The following LEPROTL1 variants were observed in gnomAD, a reference collection of about 807,000 sequenced individuals.
LEPROTL1 encodes the protein leptin receptor overlapping transcript-like 1.
Under a neutral mutation model 15.4 loss-of-function variants are expected in LEPROTL1, and 6 were observed. The observed-to-expected ratio is 0.39, with a 90% CI of 0.21 to 0.77. The LOEUF is 0.77. LEPROTL1 is among the 30% of genes least tolerant of loss of function. LEPROTL1 has a pLI of 0.41. For missense variants in LEPROTL1, 128 were observed against 158.1 expected, an observed-to-expected ratio of 0.81 and a Z score of 1.02; for synonymous variants, 56 against 52.6, an observed-to-expected ratio of 1.06 and a Z score of -0.28.
At chr8:30,117,724 T>A in intron 3 of LEPROTL1, 1 of 1,138,314 alleles carries the variant, frequency 8.8e-7, no homozygotes, top group African/African-American at 1.5e-5. Flanking sequence ...TTTGCCTCTC[T>A]TTTCGGCATT....
intron 1 of LEPROTL1, among the ~76,000 whole-genome samples, chr8:30,100,420 A>G (rs1802446546): frequency 1.3e-5 from 2 of 152,242 alleles, no homozygotes; most frequent in Non-Finnish European, 2.9e-5. Flanking sequence ...TACAGGTTAT[A>G]TAGAACTCAA....
intron 3 of LEPROTL1, among the ~76,000 whole-genome samples, chr8:30,116,404 C>G (rs552722590): frequency 5.6e-4 from 86 of 152,266 alleles, no homozygotes; most frequent in African/African-American, 2.0e-3. Flanking sequence ...TGGGATGAAA[C>G]CGTTCCACCT....
intron 4 of LEPROTL1, chr8:30,132,917 A>AT: frequency 6.7e-7 from 1 of 1,496,358 alleles, no homozygotes; most frequent in Non-Finnish European, 8.9e-7. Flanking sequence ...CTGCAAGATA[A>AT]TTTTTTAAAG....
intron 4 of LEPROTL1, chr8:30,137,204 C>T (rs1803166822): frequency 2.5e-6 from 3 of 1,187,522 alleles, no homozygotes; most frequent in Non-Finnish European, 1.2e-6. Flanking sequence ...CCTCTCATCT[C>T]AGGGATCTTG....
At chr8:30,117,765 A>C (rs1217844531) in intron 3 of LEPROTL1, 2 of 861,768 alleles carry the variant, frequency 2.3e-6, no homozygotes, top group Admixed American at 3.5e-5. Context: ...CAGCCAGGAC[A>C]TTCATGCGCA....
intron 3 of LEPROTL1, among the ~76,000 whole-genome samples, chr8:30,128,990 G>T (rs1391692235): frequency 1.3e-5 from 2 of 150,826 alleles, no homozygotes; most frequent in South Asian, 2.1e-4. Flanking sequence ...TATCTACTTT[G>T]TCTCCTCTGA....
chr8:30,106,704 T>C lies in LEPROTL1; in HGVS notation c.*842T>C, dbSNP rs1802574662. ...ATCCTGTTTCTATTTATAAGTGAAA[T>C]TTGTGATCTCCTATCAACCTTTCAT... On this transcript the variant is annotated 3_prime_UTR_variant, in exon 4 of 4. Coordinates refer to ENST00000321250, the MANE Select transcript of LEPROTL1 (RefSeq NM_015344.3). 1.0e-6 allele frequency: 1 copy of C among 984,900 alleles called. No individual in the cohort carries two copies. Among genetic ancestry groups the C allele is most frequent in the Non-Finnish European group, 1.2e-6 (1 of 829,230 alleles). The allele number at this position is 984,900 out of a possible 1,614,324, so 61.0% of individuals were successfully genotyped here. A position where few individuals can be genotyped will look rare whatever the true frequency, so the allele number is the denominator to read the frequency against.
rs919747629 is a variant in LEPROTL1, at chr8:30,107,610, G to T, written c.*1748G>T. The T allele has an allele frequency of 1.3e-5, 13 of 985,830 alleles. No homozygotes were observed. The African/African-American group carries it at 2.3e-4, about 17-fold the overall frequency. The allele number at this position is 985,830 out of a possible 1,614,324, so 61.1% of individuals were successfully genotyped here. On this transcript the variant is annotated 3_prime_UTR_variant, in exon 4 of 4. Transcript: ENST00000321250. The stretch of plus-strand genomic sequence containing the variant: ...ACGGGAAGCAGGACGAAATATCGGC[G>T]TGTGGCTGGAGCCTTCCCACTGGAG...
intron 3 of LEPROTL1, among the ~76,000 whole-genome samples, chr8:30,118,382 G>T (rs1043572879): frequency 5.9e-5 from 9 of 152,192 alleles, no homozygotes; most frequent in Middle Eastern, 3.2e-3. Context: ...AAGCTAGAAG[G>T]TTATTATATT....
intron 2 of LEPROTL1, among the ~76,000 whole-genome samples, chr8:30,103,418 T>C (rs1802503823): frequency 6.6e-6 from 1 of 152,224 alleles, no homozygotes; most frequent in Admixed American, 6.5e-5. Context: ...CTTAAGCATA[T>C]ATTCAATTTT....
downstream of LEPROTL1, among the ~76,000 whole-genome samples, chr8:30,110,874 A>G (rs1323189335): frequency 6.6e-6 from 1 of 152,208 alleles, no homozygotes; most frequent in Non-Finnish European, 1.5e-5. Context: ...TAAAAGCATT[A>G]GTATTTATTA....
chr8:30,099,384 G>T (rs1380955888), intron 1 of LEPROTL1, among the ~76,000 whole-genome samples: 5 of 151,564 alleles, frequency 3.3e-5, no homozygotes, highest in African/African-American at 1.2e-4. Flanking sequence ...GTGAGGTCAA[G>T]AGATGGAGAC....
At chr8:30,128,890 G>T (rs1802947358) in intron 3 of LEPROTL1, among the ~76,000 whole-genome samples, 1 of 92,290 alleles carries the variant, frequency 1.1e-5, no homozygotes, top group African/African-American at 3.0e-5. Context: ...AAAGCACTCT[G>T]TTTTTCTTTT....
intron 3 of LEPROTL1, chr8:30,131,703 C>T (rs1272752960): frequency 2.4e-6 from 1 of 413,434 alleles, no homozygotes; most frequent in Non-Finnish European, 4.4e-6. Flanking sequence ...GCTTCCACAT[C>T]TAGACTGTAA....
At chr8:30,132,790 G>A (rs144199295) in intron 4 of LEPROTL1, 11 of 1,551,624 alleles carry the variant, frequency 7.1e-6, no homozygotes, top group Non-Finnish European at 8.7e-6. Flanking sequence ...CTCAGACAAA[G>A]AGCTCCTGCT....
At chr8:30,109,447 T>G (rs146293349), downstream of LEPROTL1, among the ~76,000 whole-genome samples, 9 of 152,352 alleles carry the variant, frequency 5.9e-5, no homozygotes, top group East Asian at 1.7e-3. Flanking sequence ...TTGTTTTACT[T>G]TAATCATTTG....
chr8:30,138,216 C>A (rs1803189199), downstream of LEPROTL1: 1 of 219,262 alleles, frequency 4.6e-6, no homozygotes, highest in Non-Finnish European at 9.3e-6. Context: ...ACTGGCCTGT[C>A]TCCCGCACAG....
rs1218718865 is a variant in LEPROTL1 at position 30,106,273 on chromosome 8, A to C, written c.*411A>C. ...CAAGTACATCTTTTCTCTTAAAATT[A>C]TTTAGCCTCCATTATTACAAAAAAT... On this transcript the variant is annotated 3_prime_UTR_variant, in exon 4 of 4. Transcript: ENST00000321250. 1 of 986,048 alleles carries C rather than the reference A, an allele frequency of 1.0e-6. No individual in the cohort carries two copies. The highest frequency in any genetic ancestry group is 1.2e-6 in the Non-Finnish European group (1 of 829,992). The allele number at this position is 986,048 out of a possible 1,614,324, so 61.1% of individuals were successfully genotyped here. A position where few individuals can be genotyped will look rare whatever the true frequency, so the allele number is the denominator to read the frequency against.
In LEPROTL1 at chr8:30,108,066, A is replaced by G. The variant is rs749329513; in HGVS notation, c.*2204A>G. 3 of 855,464 alleles carry G rather than the reference A, an allele frequency of 3.5e-6. No homozygotes were observed. Among genetic ancestry groups the G allele is most frequent in the African/African-American group, 1.8e-5 (1 of 54,686 alleles). 53.0% of individuals were successfully genotyped at this position (855,464 alleles called of 1,614,324 possible). The stretch of plus-strand genomic sequence containing the variant: ...GAAACAATAAAGATTTTAAATATCT[A>G]TTTTAGTTTGTGGGTGTTTTTGAAA... On this transcript the variant is annotated 3_prime_UTR_variant, in exon 4 of 4. Transcript: ENST00000321250.
Sources: allele counts gnomAD v4.1 joint callset (sites outside exome capture counted in the v4.1 genomes callset), GRCh38; gene constraint gnomAD v4.1.1; transcripts MANE v1.5; gene names NCBI Gene and HGNC (gene_info 2026-07-23, HGNC 2026-07-21).